The following THADA variants were observed in gnomAD, a reference collection of about 807,000 sequenced individuals.
THADA encodes tRNA (32-2'-O)-methyltransferase regulator THADA.
THADA carries 213 observed loss-of-function variants against 219.8 expected under a neutral mutation model. The observed-to-expected ratio is 0.97, with a 90% CI of 0.87 to 1.09. THADA has a LOEUF of 1.09. Among genes scored for constraint, THADA ranks in the 50% least tolerant of loss-of-function variants. THADA has a pLI of 0.00. For missense variants in THADA, 2,956 were observed against 2,311.3 expected, an observed-to-expected ratio of 1.28 and a Z score of -5.72; for synonymous variants, 1,018 against 828.9, an observed-to-expected ratio of 1.23 and a Z score of -3.92.
In THADA at chr2:43,592,399, T is replaced by C. The variant is rs373801412; in HGVS notation, c.-7A>G. On this transcript the variant is annotated 5_prime_UTR_variant, in exon 2 of 38. Coordinates refer to ENST00000405975, the MANE Select transcript of THADA (RefSeq NM_022065.5). ...TCTTCTTCTTTACACCCATTTTAAA[T>C]AGAATTAATAGTAGTCACTGCAAGA... is the stretch of plus-strand genomic sequence containing the variant. The C allele has an allele frequency of 6.3e-7, 1 of 1,578,538 alleles. No individual in the cohort carries two copies. Among genetic ancestry groups the C allele is most frequent in the Non-Finnish European group, 8.6e-7 (1 of 1,156,950 alleles).
intron 30 of THADA, among the ~76,000 whole-genome samples, chr2:43,324,395 A>T (rs1207408742): frequency 2.0e-5 from 3 of 152,178 alleles, no homozygotes; most frequent in Non-Finnish European, 4.4e-5. Flanking sequence ...CAACAAGATC[A>T]TGGGAGGCTC....
intron 26 of THADA, among the ~76,000 whole-genome samples, chr2:43,444,254 T>C (rs1189495071): frequency 6.6e-6 from 1 of 152,180 alleles, no homozygotes; most frequent in Non-Finnish European, 1.5e-5. Flanking sequence ...TCAAGAATGG[T>C]TCCATATCAA....
At chr2:43,507,797 G>A (rs1689875769) in intron 23 of THADA, among the ~76,000 whole-genome samples, 1 of 152,134 alleles carries the variant, frequency 6.6e-6, no homozygotes, top group African/African-American at 2.4e-5. Context: ...GTATTGTGAA[G>A]ACACTGGTTT....
intron 26 of THADA, among the ~76,000 whole-genome samples, chr2:43,478,169 TA>T (rs551629221): frequency 1.2e-3 from 180 of 152,298 alleles, no homozygotes; most frequent in Middle Eastern, 0.01. Flanking sequence ...CCAAGGTCCA[TA>T]AGGAGTATTC....
Position 43,521,323 on chromosome 2 carries a change from G to A in THADA, c.3374+6556C>T, listed in dbSNP as rs542313880. Reference sequence around the variant, plus strand: ...GTAATCCAGCACTTTGGGAGGCCGAGGCAGGTGGATCACCTGAGGTCAGGA... The same window carrying A: ...GTAATCCAGCACTTTGGGAGGCCGAAGCAGGTGGATCACCTGAGGTCAGGA... On this transcript the variant is annotated intron_variant, in intron 22 of 37. Coordinates refer to ENST00000405975, the MANE Select transcript of THADA (RefSeq NM_022065.5). Among the ~76,000 whole-genome samples the A allele has an allele frequency of 2.0e-5, 3 of 152,296 alleles. No homozygotes were observed. The South Asian group carries it at 6.2e-4, about 32-fold the overall frequency.
chr2:43,524,174 G>A (rs1029386819), intron 22 of THADA, among the ~76,000 whole-genome samples: 3 of 152,124 alleles, frequency 2.0e-5, no homozygotes, highest in African/African-American at 7.2e-5. Context: ...TAGAAAGCAC[G>A]ACATAAAAAA....
chr2:43,553,142 CCATT>C (rs1352282195), intron 17 of THADA, among the ~76,000 whole-genome samples: 3 of 152,150 alleles, frequency 2.0e-5, no homozygotes, highest in Non-Finnish European at 4.4e-5. Flanking sequence ...TTTTATTTAT[CCATT>C]CATCTGTTGA....
At chr2:43,338,383 C>T (rs1442744996) in intron 30 of THADA, among the ~76,000 whole-genome samples, 1 of 152,094 alleles carries the variant, frequency 6.6e-6, no homozygotes, top group Non-Finnish European at 1.5e-5. Context: ...TCTTGAACTC[C>T]TGACCTCAAG....
intron 36 of THADA, among the ~76,000 whole-genome samples, chr2:43,266,150 G>A (rs1223906232): frequency 1.3e-5 from 2 of 152,108 alleles, no homozygotes; most frequent in African/African-American, 2.4e-5. Flanking sequence ...CAGGCTCATC[G>A]CTGGGGCCAG....
intron 25 of THADA, among the ~76,000 whole-genome samples, chr2:43,493,606 G>A (rs1003280521): frequency 1.3e-5 from 2 of 152,140 alleles, no homozygotes; most frequent in African/African-American, 4.8e-5. Context: ...CTGCAATGAG[G>A]ATGAGGATGC....
chr2:43,425,216 G>C, intron 28 of THADA, among the ~76,000 whole-genome samples: 1 of 152,158 alleles, frequency 6.6e-6, no homozygotes, highest in East Asian at 1.9e-4. Context: ...ACGGGCAAAT[G>C]AGGGTGATAA....
intron 15 of THADA, chr2:43,563,183 C>G (rs1404503816): frequency 6.6e-6 from 1 of 152,184 alleles, no homozygotes; most frequent in Non-Finnish European, 1.5e-5. Flanking sequence ...TAGGCATTTA[C>G]AGCTATAACT....
At chr2:43,570,609 G>A (rs1699186468) in intron 13 of THADA, 99 bp from the exon 14 acceptor site, 5 of 1,269,092 alleles carry the variant, frequency 3.9e-6, no homozygotes, top group East Asian at 5.1e-5. Context: ...CAGGCAAGAA[G>A]AGTACAGATT....
intron 28 of THADA, among the ~76,000 whole-genome samples, chr2:43,404,180 G>A (rs1393514152): frequency 2.0e-5 from 3 of 151,798 alleles, no homozygotes; most frequent in African/African-American, 7.3e-5. Context: ...TTCATCTTCT[G>A]AACTATGCTA....
intron 34 of THADA, among the ~76,000 whole-genome samples, chr2:43,289,964 T>C (rs898822830): frequency 1.5e-5 from 2 of 134,684 alleles, no homozygotes; most frequent in African/African-American, 2.9e-5. Flanking sequence ...CTGGTGTTTT[T>C]TTTTTGTTTT....
At chr2:43,438,029 C>T (rs556032809) in intron 26 of THADA, among the ~76,000 whole-genome samples, 1 of 152,088 alleles carries the variant, frequency 6.6e-6, no homozygotes, top group African/African-American at 2.4e-5. Flanking sequence ...TGGCCAGGCG[C>T]GGTGGCTCAC....
rs115038754 is a variant in THADA at position 43,240,166 on chromosome 2, A to G, written c.5297-7284T>C. ...GCAGGGTGGGTGAGAGGACACACAC[A>G]ACCGAGAGGCAGTGAGGAGCCCAAG... On this transcript the variant is annotated intron_variant, in intron 36 of 37. Transcript: ENST00000405975. Among the ~76,000 whole-genome samples, 905 of 152,296 alleles carry G rather than the reference A, an allele frequency of 5.9e-3. 13 individuals are homozygous for G. Among genetic ancestry groups the G allele is most frequent in the African/African-American group, 0.021 (872 of 41,564 alleles).
In THADA at chr2:43,578,489, A is replaced by G. The variant is rs748429936; in HGVS notation, c.816+24T>C. ...ATACCCTAACTCTCAATAAAGTACAATTCTAAAAAGGAGATGCACTTACCA... is the reference window on the plus strand; with the variant it reads ...ATACCCTAACTCTCAATAAAGTACAGTTCTAAAAAGGAGATGCACTTACCA... On this transcript the variant is annotated intron_variant, in intron 9 of 37. Coordinates refer to ENST00000405975, the MANE Select transcript of THADA (RefSeq NM_022065.5). 5.1e-6 allele frequency: 8 copies of G among 1,564,342 alleles called. No individual in the cohort carries two copies. The South Asian group carries it at 8.9e-5, about 17-fold the overall frequency.
intron 25 of THADA, among the ~76,000 whole-genome samples, chr2:43,487,270 A>G (rs1459060357): frequency 1.3e-5 from 2 of 152,170 alleles, no homozygotes; most frequent in Non-Finnish European, 2.9e-5. Context: ...CTCCTCTCAG[A>G]AATCACACAA....
Sources: allele counts gnomAD v4.1 joint callset (sites outside exome capture counted in the v4.1 genomes callset), GRCh38; gene constraint gnomAD v4.1.1; transcripts MANE v1.5; gene names NCBI Gene and HGNC (gene_info 2026-07-23, HGNC 2026-07-21).